The following CRYBG3 variants were observed in gnomAD, a reference collection of about 807,000 sequenced individuals.
CRYBG3 encodes crystallin beta-gamma domain containing 3, also known as very large A-kinase anchor protein.
CRYBG3 carries 127 observed loss-of-function variants against 244.2 expected under a neutral mutation model. The observed-to-expected ratio is 0.52, with a 90% confidence interval of 0.45 to 0.60. The LOEUF (loss-of-function observed/expected upper bound fraction) is 0.60. Ranked by LOEUF, CRYBG3 falls within the 20% of genes least tolerant of loss-of-function variation. The probability of loss-of-function intolerance (pLI) is 0.00; values close to 1 mark genes in which losing one functional copy is unlikely to be tolerated. For missense variants in CRYBG3, 3,325 were observed against 3,442.5 expected (o/e 0.97, Z 0.85); for synonymous variants, 1,132 against 1,195.8 (o/e 0.95, Z 1.10).
intron 1 of CRYBG3, among the ~76,000 whole-genome samples, chr3:97,835,650 A>G (rs1285927619): frequency 6.6e-6 from 1 of 152,098 alleles, no homozygotes; most frequent in African/African-American, 2.4e-5. Context: ...ATGTGTTTTT[A>G]TATCCACACA....
intron 19 of CRYBG3, among the ~76,000 whole-genome samples, chr3:97,938,575 A>G (rs975474244): frequency 6.6e-6 from 1 of 151,562 alleles, no homozygotes; most frequent in African/African-American, 2.4e-5. Context: ...TCATCCCACC[A>G]CTCATGAGTT....
chr3:97,824,822 T>G (rs896487994), intron 1 of CRYBG3, among the ~76,000 whole-genome samples: 2 of 152,166 alleles, frequency 1.3e-5, no homozygotes, highest in Admixed American at 6.5e-5. Context: ...GAAGTTTTCA[T>G]AGGAAACTCA....
At chr3:97,839,708 G>A (rs75292828) in intron 1 of CRYBG3, among the ~76,000 whole-genome samples, 4,468 of 151,314 alleles carry the variant, frequency 0.03, 221 homozygotes, top group African/African-American at 0.1. Flanking sequence ...GTACAGTGGC[G>A]TCCTGAATAG....
intron 15 of CRYBG3, among the ~76,000 whole-genome samples, chr3:97,901,119 A>G (rs2039702445): frequency 6.6e-6 from 1 of 152,230 alleles, no homozygotes; most frequent in African/African-American, 2.4e-5. Context: ...TGCTATACAC[A>G]CAACTAGAAG....
chr3:97,936,669 TAA>T (rs1354496569), intron 18 of CRYBG3, 114 bp from the exon 19 acceptor site: 6 of 1,065,120 alleles, frequency 5.6e-6, no homozygotes, highest in Non-Finnish European at 7.9e-6. Context: ...TGTGCAATTT[TAA>T]AAGTCTGCAA....
intron 3 of CRYBG3, among the ~76,000 whole-genome samples, chr3:97,868,559 T>C (rs1232342363): frequency 2.0e-5 from 3 of 152,168 alleles, no homozygotes; most frequent in Non-Finnish European, 2.9e-5. Context: ...CTACCTCCAG[T>C]GCAGCATATT....
At chr3:97,936,537 T>C (rs1575977283) in intron 18 of CRYBG3, among the ~76,000 whole-genome samples, 2 of 152,182 alleles carry the variant, frequency 1.3e-5, no homozygotes, top group South Asian at 4.1e-4. Flanking sequence ...ATTTCAGAGA[T>C]GGAGGAAACC....
intron 2 of CRYBG3, among the ~76,000 whole-genome samples, chr3:97,850,599 A>T (rs1197556331): frequency 6.6e-6 from 1 of 152,234 alleles, no homozygotes; most frequent in Non-Finnish European, 1.5e-5. Context: ...AGCTGCATTA[A>T]GGTAAGGTAG....
At chr3:97,865,872 A>G in intron 3 of CRYBG3, among the ~76,000 whole-genome samples, 1 of 152,196 alleles carries the variant, frequency 6.6e-6, no homozygotes, top group East Asian at 1.9e-4. Context: ...TAAAGAGATC[A>G]GTAGATTAAA....
chr3:97,942,276 C>G lies in CRYBG3; in HGVS notation c.8665-8C>G, dbSNP rs752222712. 3.8e-6 allele frequency: 6 copies of G among 1,592,676 alleles called. No homozygotes were observed. Among genetic ancestry groups the G allele is most frequent in the Non-Finnish European group, 4.3e-6 (5 of 1,167,386 alleles). On this transcript the variant is annotated splice_polypyrimidine_tract_variant and splice_region_variant and intron_variant, in intron 20 of 21. Coordinates refer to ENST00000389622, the MANE Select transcript of CRYBG3 (RefSeq NM_153605.4). The stretch of plus-strand genomic sequence containing the variant: ...TACTGCCAATTAATCATTTCTTAAC[C>G]CTTTTAGGCCAGTGATACATGTCTT...
Position 97,872,286 on chromosome 3 carries a change from C to T in CRYBG3, c.1092C>T (p.His364=), listed in dbSNP as rs766238937. 1.3e-6 allele frequency: 2 copies of T among 1,535,546 alleles called. No individual in the cohort carries two copies. The highest frequency in any genetic ancestry group is 2.7e-5 in the African/African-American group (2 of 73,000). Reference sequence around the variant, plus strand: ...ACGATGGAGAATCTGACTCACAGCACCATTTAAGTTGTGAACCGGTTTCTC... The same window carrying T: ...ACGATGGAGAATCTGACTCACAGCATCATTTAAGTTGTGAACCGGTTTCTC... The part of the protein sequence containing the change: ...SSYDGESDSQ[H]HLSCEPVSQT... Residue 364 remains histidine (H), a synonymous_variant, in exon 4 of 22, where the codon CAC becomes CAT. Transcript: ENST00000389622.
At position 97,943,476 on chromosome 3, in the gene CRYBG3, G is replaced by T; in HGVS notation, c.*162G>T. ...CTCTGAGACTATCGCTCTTAACCAT[G>T]GAAAAGCTCAAAATATTCTTGCCAT... On this transcript the variant is annotated 3_prime_UTR_variant, in exon 22 of 22. Transcript: ENST00000389622. The T allele has an allele frequency of 1.7e-6, 1 of 577,458 alleles. No homozygotes were observed. Among genetic ancestry groups the T allele is most frequent in the Non-Finnish European group, 3.0e-6 (1 of 332,086 alleles). 35.8% of individuals were successfully genotyped at this position (577,458 alleles called of 1,614,324 possible). A position where few individuals can be genotyped will look rare whatever the true frequency, so the allele number is the denominator to read the frequency against.
chr3:97,908,508 T>C (rs2039806143), intron 15 of CRYBG3, among the ~76,000 whole-genome samples: 1 of 152,204 alleles, frequency 6.6e-6, no homozygotes, highest in Admixed American at 6.5e-5. Context: ...GTATTGGCCT[T>C]CTTTGTCTTT....
intron 7 of CRYBG3, among the ~76,000 whole-genome samples, chr3:97,883,249 T>C (rs2039470532): frequency 6.6e-6 from 1 of 152,166 alleles, no homozygotes; most frequent in Non-Finnish European, 1.5e-5. Flanking sequence ...GCAATGTCCA[T>C]TTTCACTGAA....
intron 17 of CRYBG3, chr3:97,933,170 C>T (rs775672165): frequency 2.3e-6 from 1 of 441,120 alleles, no homozygotes; most frequent in African/African-American, 2.0e-5. Flanking sequence ...TGAAGAAATA[C>T]TTTTAATGCA....
intron 2 of CRYBG3, among the ~76,000 whole-genome samples, chr3:97,859,377 G>C (rs1329499244): frequency 6.6e-6 from 1 of 152,124 alleles, no homozygotes; most frequent in African/African-American, 2.4e-5. Flanking sequence ...ACTATACCAG[G>C]TGCCACAGCA....
intron 17 of CRYBG3, among the ~76,000 whole-genome samples, chr3:97,926,832 A>G (rs1023186177): frequency 2.6e-5 from 4 of 152,054 alleles, no homozygotes; most frequent in Non-Finnish European, 5.9e-5. Context: ...AGACACAAAG[A>G]ATAAAATATC....
intron 15 of CRYBG3, among the ~76,000 whole-genome samples, chr3:97,905,446 T>G (rs2039761059): frequency 6.6e-6 from 1 of 151,644 alleles, no homozygotes; most frequent in African/African-American, 2.4e-5. Context: ...CTAACTGGTG[T>G]GAGATGGTAT....
chr3:97,897,705 AT>A (rs2039655449), intron 12 of CRYBG3, among the ~76,000 whole-genome samples: 1 of 152,088 alleles, frequency 6.6e-6, no homozygotes, highest in Admixed American at 6.6e-5. Context: ...ATTGTTTATA[AT>A]TTTTCACTAT....
Sources: allele counts gnomAD v4.1 joint callset (sites outside exome capture counted in the v4.1 genomes callset), GRCh38; gene constraint gnomAD v4.1.1; transcripts MANE v1.5; gene names NCBI Gene and HGNC (gene_info 2026-07-23, HGNC 2026-07-21).